The following QKI variants were observed in gnomAD, a reference collection of about 807,000 sequenced individuals.
QKI encodes KH domain-containing RNA-binding protein QKI.
QKI carries 10 observed loss-of-function variants against 39.0 expected under a neutral mutation model. That is an observed-to-expected ratio of 0.26 (90% confidence interval 0.16 to 0.43). The LOEUF is 0.43. Among genes scored for constraint, QKI ranks in the 20% least tolerant of loss-of-function variants. QKI has a pLI of 1.00. For missense variants in QKI, 218 were observed against 428.0 expected (o/e 0.51, Z 4.33); for synonymous variants, 204 against 155.4 (o/e 1.31, Z -2.33).
In QKI at chr6:163,415,115, G is replaced by A. The variant is rs1380547167; in HGVS notation, c.-79G>A. Reference sequence around the variant, plus strand: ...GCCGGGTCCCGAGCGGCCCGCGGCCGGGGCTCGCCCCCGCCCCTCCCTCCT... The same window carrying A: ...GCCGGGTCCCGAGCGGCCCGCGGCCAGGGCTCGCCCCCGCCCCTCCCTCCT... On this transcript the variant is annotated 5_prime_UTR_variant, in exon 1 of 8. Coordinates refer to ENST00000361752, the MANE Select transcript of QKI (RefSeq NM_006775.3). The A allele has an allele frequency of 9.2e-7, 1 of 1,085,564 alleles. No individual in the cohort carries two copies. 67.2% of individuals were successfully genotyped at this position (1,085,564 alleles called of 1,614,324 possible). A position where few individuals can be genotyped will look rare whatever the true frequency, so the allele number is the denominator to read the frequency against.
chr6:163,473,090 C>T (rs1737603), intron 2 of QKI, among the ~76,000 whole-genome samples: 125,628 of 152,166 alleles, frequency 0.83, 52,229 homozygotes, highest in East Asian at 1. Flanking sequence ...TTATAATAAA[C>T]TACTCCAAAA....
intron 4 of QKI, among the ~76,000 whole-genome samples, chr6:163,550,810 G>A (rs761497760): frequency 6.6e-6 from 1 of 152,052 alleles, no homozygotes; most frequent in Admixed American, 6.5e-5. Flanking sequence ...GCCGGGCATG[G>A]TGGTGGGCGC....
At chr6:163,512,383 A>G (rs530820913) in intron 3 of QKI, among the ~76,000 whole-genome samples, 1 of 152,240 alleles carries the variant, frequency 6.6e-6, no homozygotes, top group East Asian at 1.9e-4. Context: ...ATGGAAAAGA[A>G]GAAGACTTTC....
chr6:163,560,789 A>G (rs1005430107), intron 4 of QKI, among the ~76,000 whole-genome samples: 2 of 152,342 alleles, frequency 1.3e-5, no homozygotes, highest in Middle Eastern at 3.4e-3. Flanking sequence ...GATTTGGGCA[A>G]TTAATCTGGC....
intron 3 of QKI, among the ~76,000 whole-genome samples, chr6:163,531,690 A>G (rs1184826310): frequency 6.6e-6 from 1 of 152,216 alleles, no homozygotes; most frequent in Non-Finnish European, 1.5e-5. Flanking sequence ...TATTTATAAT[A>G]GACACAGGGT....
chr6:163,541,027 T>G (rs1781471712), intron 4 of QKI, among the ~76,000 whole-genome samples: 1 of 152,058 alleles, frequency 6.6e-6, no homozygotes, highest in South Asian at 2.1e-4. Flanking sequence ...CTACTAAGGT[T>G]TAGTTTTACT....
intron 4 of QKI, 82 bp downstream of exon 4, chr6:163,535,207 G>T (rs1042139309): frequency 7.4e-7 from 1 of 1,344,932 alleles, no homozygotes; most frequent in Non-Finnish European, 9.9e-7. Context: ...TGTTTATAAG[G>T]AATAGGTTAT....
At chr6:163,455,151 G>A (rs1373242158) in intron 1 of QKI, 128 bp from the exon 2 acceptor site, 2 of 660,692 alleles carry the variant, frequency 3.0e-6, no homozygotes, top group Non-Finnish European at 4.8e-6. Flanking sequence ...TGATAGAATA[G>A]GCCAGGAGCT....
At chr6:163,470,148 CTT>C (rs1280801236) in intron 2 of QKI, among the ~76,000 whole-genome samples, 2 of 152,078 alleles carry the variant, frequency 1.3e-5, no homozygotes, top group Non-Finnish European at 2.9e-5. Context: ...TGGGGGATCT[CTT>C]TTTCTGCTGA....
At chr6:163,415,420 A>C in intron 1 of QKI, 85 bp downstream of exon 1, 1 of 1,038,096 alleles carries the variant, frequency 9.6e-7, no homozygotes, top group Non-Finnish European at 1.3e-6. Context: ...GAGGGCGGGA[A>C]GGTCACGGCC....
chr6:163,525,286 T>TTCTCTC (rs368196224), intron 3 of QKI, among the ~76,000 whole-genome samples: 1 of 144,258 alleles, frequency 6.9e-6, no homozygotes, highest in African/African-American at 2.7e-5. Context: ...TTTTTTCCTG[T>TTCTCTC]TCTCTCTCTC....
intron 1 of QKI, among the ~76,000 whole-genome samples, chr6:163,441,834 G>A (rs1403823271): frequency 3.3e-5 from 5 of 152,164 alleles, no homozygotes; most frequent in African/African-American, 7.2e-5. Context: ...AGCCAGGGAC[G>A]GAGGTTAGGT....
At chr6:163,415,997 T>C in intron 1 of QKI, 1 of 466,970 alleles carries the variant, frequency 2.1e-6, no homozygotes, top group South Asian at 1.5e-5. Flanking sequence ...AGCACTTTTT[T>C]CCCTTTTGTT....
chr6:163,570,147 C>G, intron 7 of QKI: 3 of 985,774 alleles, frequency 3.0e-6, no homozygotes, highest in Non-Finnish European at 3.6e-6. Flanking sequence ...CAAAAGAAAC[C>G]TTGTTTGGCC....
chr6:163,420,373 T>C (rs1236222650), intron 1 of QKI, among the ~76,000 whole-genome samples: 1 of 152,164 alleles, frequency 6.6e-6, no homozygotes, highest in Non-Finnish European at 1.5e-5. Flanking sequence ...TGCCCTTCTC[T>C]GTTGGAGATG....
rs1464079626 is a variant in QKI at position 163,544,166 on chromosome 6, AAG to A, written c.546+9046_546+9047del. Among the ~76,000 whole-genome samples, 6 of 152,218 alleles carry A rather than the reference AAG, an allele frequency of 3.9e-5. No homozygotes were observed. The South Asian group carries it at 1.0e-3, about 26-fold the overall frequency. ...AATGAGGAAATTCCACAGAGTTTCA[AAG>A]AGAGCAAAATTTAAATTTGCATCCT... is the stretch of plus-strand genomic sequence containing the variant. On this transcript the variant is annotated intron_variant, in intron 4 of 7. Transcript: ENST00000361752.
chr6:163,512,737 C>T (rs1779560193), intron 3 of QKI, among the ~76,000 whole-genome samples: 3 of 152,048 alleles, frequency 2.0e-5, no homozygotes, highest in South Asian at 2.1e-4. Flanking sequence ...CAGTTGACCA[C>T]GTGCTGGTCC....
intron 4 of QKI, among the ~76,000 whole-genome samples, chr6:163,543,614 G>A (rs951116476): frequency 2.6e-5 from 4 of 152,118 alleles, no homozygotes; most frequent in Non-Finnish European, 5.9e-5. Context: ...GCTTTTTGGC[G>A]GGTTTGAATA....
intron 2 of QKI, among the ~76,000 whole-genome samples, chr6:163,473,610 A>G (rs1792365655): frequency 6.6e-6 from 1 of 152,216 alleles, no homozygotes; most frequent in South Asian, 2.1e-4. Flanking sequence ...TCTATTTTAA[A>G]TCAACAAATT....
Sources: gnomAD v4.1 joint callset for allele counts (sites outside exome capture counted in the v4.1 genomes callset) on GRCh38, gnomAD v4.1.1 for gene constraint, MANE v1.5 for transcripts, NCBI Gene and HGNC (gene_info 2026-07-23, HGNC 2026-07-21) for gene names.